The following MAGI1 variants were observed in gnomAD, a reference collection of about 807,000 sequenced individuals.
The protein encoded by MAGI1 is membrane associated guanylate kinase, WW and PDZ domain containing 1.
In MAGI1, 58 loss-of-function variants were observed where a neutral mutation model predicts 139.9. The observed-to-expected ratio is 0.41, with a 90% CI of 0.34 to 0.52. The LOEUF (loss-of-function observed/expected upper bound fraction) is 0.52, where lower values mean the gene tolerates loss of function less well. Among genes scored for constraint, MAGI1 ranks in the 20% least tolerant of loss-of-function variants. MAGI1 has a pLI of 0.12. For missense variants in MAGI1, 1,874 were observed against 1,901.6 expected, an observed-to-expected ratio of 0.99 and a Z score of 0.27; for synonymous variants, 812 against 737.9, an observed-to-expected ratio of 1.10 and a Z score of -1.63.
chr3:65,491,049 A>G (rs1299829852), intron 3 of MAGI1, among the ~76,000 whole-genome samples: 1 of 152,014 alleles, frequency 6.6e-6, no homozygotes, highest in Non-Finnish European at 1.5e-5. Context: ...ACAATCAGAC[A>G]TTTTCTGAAA....
chr3:65,699,801 A>G (rs1387974176), intron 1 of MAGI1, among the ~76,000 whole-genome samples: 3 of 150,874 alleles, frequency 2.0e-5, no homozygotes, highest in Non-Finnish European at 1.5e-5. Context: ...TGGGTGCAAC[A>G]CACCAGCATG....
intron 1 of MAGI1, among the ~76,000 whole-genome samples, chr3:65,809,450 C>A (rs1422927410): frequency 6.6e-6 from 1 of 152,110 alleles, no homozygotes; most frequent in African/African-American, 2.4e-5. Flanking sequence ...ATACTGCTTA[C>A]CCAAGTCAGA....
intron 1 of MAGI1, among the ~76,000 whole-genome samples, chr3:65,631,882 G>A (rs572783916): frequency 3.9e-5 from 6 of 151,912 alleles, no homozygotes; most frequent in Admixed American, 6.6e-5. Flanking sequence ...AAAATTAGAC[G>A]GGCGTGGTGG....
intron 5 of MAGI1, among the ~76,000 whole-genome samples, chr3:65,467,015 C>T (rs1023585366): frequency 5.9e-5 from 9 of 152,202 alleles, no homozygotes; most frequent in African/African-American, 2.2e-4. Flanking sequence ...GCTTTATTTG[C>T]CTCTATCTGT....
At chr3:66,017,329 C>A (rs2067705638) in intron 1 of MAGI1, among the ~76,000 whole-genome samples, 1 of 152,222 alleles carries the variant, frequency 6.6e-6, no homozygotes, top group African/African-American at 2.4e-5. Context: ...TGCAATGAGC[C>A]AGGCTCGCAG....
At chr3:65,881,627 C>CA (rs55964561) in intron 1 of MAGI1, among the ~76,000 whole-genome samples, 206 of 137,494 alleles carry the variant, frequency 1.5e-3, no homozygotes, top group East Asian at 5.6e-3. Flanking sequence ...ACCCCTTCCT[C>CA]AAAAAAAAAA....
At chr3:65,741,024 G>A (rs1044782422) in intron 1 of MAGI1, among the ~76,000 whole-genome samples, 1 of 152,176 alleles carries the variant, frequency 6.6e-6, no homozygotes, top group South Asian at 2.1e-4. Flanking sequence ...AGTGAGAAGA[G>A]TTTAATGCCT....
At chr3:65,661,740 T>C (rs2086198607) in intron 1 of MAGI1, among the ~76,000 whole-genome samples, 1 of 133,904 alleles carries the variant, frequency 7.5e-6, no homozygotes, top group Non-Finnish European at 1.5e-5. Flanking sequence ...GTTTTGTTTT[T>C]TTCTGTTTTT....
At chr3:65,618,567 C>CT (rs539855954) in intron 2 of MAGI1, among the ~76,000 whole-genome samples, 2 of 149,986 alleles carry the variant, frequency 1.3e-5, no homozygotes, top group East Asian at 1.9e-4. Flanking sequence ...CCATCAGAAA[C>CT]TTTTTTTTTT....
chr3:65,540,218 C>T (rs765957151), intron 2 of MAGI1, among the ~76,000 whole-genome samples: 1 of 152,134 alleles, frequency 6.6e-6, no homozygotes, highest in South Asian at 2.1e-4. Flanking sequence ...GTAATCACAA[C>T]CAATAGGAGA....
In MAGI1 at chr3:65,400,213, A is replaced by G. The variant is rs571543634; in HGVS notation, c.2199+1226T>C. On this transcript the variant is annotated intron_variant, in intron 13 of 22. Transcript: ENST00000402939. ...CACTTTTCTGCCTGGACGTTAACAC[A>G]CACTGACAAGGAAACCAGCCCTGAA... Among the ~76,000 whole-genome samples the G allele has an allele frequency of 6.4e-4, 97 of 152,306 alleles. 1 individual carries two copies. Among genetic ancestry groups the G allele is most frequent in the Non-Finnish European group, 1.0e-3 (68 of 68,030 alleles).
At chr3:65,472,902 G>C (rs1950639913) in intron 4 of MAGI1, among the ~76,000 whole-genome samples, 1 of 152,200 alleles carries the variant, frequency 6.6e-6, no homozygotes, top group South Asian at 2.1e-4. Context: ...TATGACATCA[G>C]TGAAAAATGA....
intron 1 of MAGI1, among the ~76,000 whole-genome samples, chr3:65,742,436 A>G (rs1156818054): frequency 2.0e-5 from 3 of 152,308 alleles, no homozygotes; most frequent in East Asian, 1.9e-4. Flanking sequence ...AGAGCCAGAC[A>G]CATCAGAATG....
chr3:65,869,463 T>G (rs189595943), intron 1 of MAGI1, among the ~76,000 whole-genome samples: 2 of 150,064 alleles, frequency 1.3e-5, no homozygotes, highest in African/African-American at 2.5e-5. Context: ...TGCAGTGGCG[T>G]GATCTCCACT....
intron 1 of MAGI1, among the ~76,000 whole-genome samples, chr3:65,677,412 A>G (rs1365163940): frequency 2.0e-5 from 3 of 152,318 alleles, no homozygotes; most frequent in East Asian, 1.9e-4. Flanking sequence ...GAGCACAGTC[A>G]TATCGAAGAC....
At chr3:66,000,860 C>A (rs1039283619) in intron 1 of MAGI1, among the ~76,000 whole-genome samples, 7 of 152,234 alleles carry the variant, frequency 4.6e-5, no homozygotes, top group African/African-American at 7.2e-5. Context: ...AAACCCATGG[C>A]AGGCCAGGCC....
chr3:65,695,639 G>A (rs1238492482), intron 1 of MAGI1, among the ~76,000 whole-genome samples: 1 of 152,196 alleles, frequency 6.6e-6, no homozygotes, highest in Non-Finnish European at 1.5e-5. Flanking sequence ...GCTGGGGGAT[G>A]AATGAATCTA....
At position 65,537,772 on chromosome 3, in the gene MAGI1, C is replaced by T. The variant is rs139562952; in HGVS notation, c.431-44141G>A. ...AGTCAAATTAGGATCTCATGCTGTT[C>T]CCCAACCCCCTGAAAATTACACATT... On this transcript the variant is annotated intron_variant, in intron 2 of 22. Coordinates refer to ENST00000402939, the MANE Select transcript of MAGI1 (RefSeq NM_001033057.2). Among the ~76,000 whole-genome samples the T allele has an allele frequency of 4.7e-4, 71 of 152,146 alleles. No individual in the cohort carries two copies. The East Asian group carries it at 0.012, about 27-fold the overall frequency.
chr3:65,755,466 A>C (rs1031692756), intron 1 of MAGI1, among the ~76,000 whole-genome samples: 2 of 152,036 alleles, frequency 1.3e-5, no homozygotes, highest in Non-Finnish European at 2.9e-5. Context: ...CTGAATTAAA[A>C]ATCACTATTT....
Sources: allele counts gnomAD v4.1 joint callset (sites outside exome capture counted in the v4.1 genomes callset), GRCh38; gene constraint gnomAD v4.1.1; transcripts MANE v1.5; gene names NCBI Gene and HGNC (gene_info 2026-07-23, HGNC 2026-07-21).